Variants in PDE1A observed in about 807,000 individuals in gnomAD.
The protein encoded by PDE1A is dual specificity calcium/calmodulin-dependent 3',5'-cyclic nucleotide phosphodiesterase 1A.
Under a neutral mutation model 61.7 loss-of-function variants are expected in PDE1A, and 35 were observed. The observed-to-expected ratio is 0.57, with a 90% CI of 0.43 to 0.75. The LOEUF is 0.75. PDE1A is among the 30% of genes least tolerant of loss of function. The probability of loss-of-function intolerance (pLI) is 0.00; values close to 1 mark genes in which losing one functional copy is unlikely to be tolerated. For missense variants in PDE1A, 597 were observed against 630.6 expected (o/e 0.95, Z 0.57); for synonymous variants, 232 against 213.2 (o/e 1.09, Z -0.77).
chr2:182,447,627 A>G (rs553196042), intron 2 of PDE1A, among the ~76,000 whole-genome samples: 45 of 152,072 alleles, frequency 3.0e-4, no homozygotes, highest in Non-Finnish European at 4.6e-4. Flanking sequence ...CTCAAAGGCT[A>G]TATTTTCAAC....
At chr2:182,358,525 T>C (rs184996029) in intron 1 of PDE1A, among the ~76,000 whole-genome samples, 5 of 152,294 alleles carry the variant, frequency 3.3e-5, no homozygotes, top group East Asian at 1.9e-4. Context: ...TTTTTCTCCA[T>C]TGGTATCATC....
chr2:182,397,942 T>C (rs1277851942), intron 1 of PDE1A, among the ~76,000 whole-genome samples: 5 of 152,088 alleles, frequency 3.3e-5, no homozygotes, highest in Admixed American at 2.6e-4. Flanking sequence ...CTAAGACTAT[T>C]CTATTCTATG....
chr2:182,600,715 T>A, the PDE1A span, among the ~76,000 whole-genome samples: 1 of 152,222 alleles, frequency 6.6e-6, no homozygotes, highest in Non-Finnish European at 1.5e-5. Flanking sequence ...AAAGAAAAGA[T>A]GACCACTTTG....
intron 2 of PDE1A, among the ~76,000 whole-genome samples, chr2:182,516,750 A>AAGGAAG (rs1690198500): frequency 7.0e-6 from 1 of 143,456 alleles, no homozygotes; most frequent in African/African-American, 2.6e-5. Flanking sequence ...GGAAAAAGAG[A>AAGGAAG]GAAAGAAAGA....
chr2:182,270,173 A>G (rs995200810), intron 1 of PDE1A, among the ~76,000 whole-genome samples: 1 of 152,164 alleles, frequency 6.6e-6, no homozygotes, highest in African/African-American at 2.4e-5. Flanking sequence ...ATAAAAGAAG[A>G]CAGAAACAAA....
At chr2:182,307,839 G>C (rs563858080) in intron 1 of PDE1A, among the ~76,000 whole-genome samples, 1 of 152,168 alleles carries the variant, frequency 6.6e-6, no homozygotes, top group South Asian at 2.1e-4. Context: ...ATGAACAACA[G>C]ATACAGACTG....
chr2:182,336,772 T>C (rs1391003161), intron 1 of PDE1A, among the ~76,000 whole-genome samples: 1 of 80,490 alleles, frequency 1.2e-5, no homozygotes, highest in Non-Finnish European at 3.4e-5. Context: ...TATATATATA[T>C]ATATAAGTCC....
chr2:182,563,018 A>G, the PDE1A span, among the ~76,000 whole-genome samples: 2 of 152,118 alleles, frequency 1.3e-5, no homozygotes, highest in Non-Finnish European at 2.9e-5. Context: ...TCCTGGATTC[A>G]TTAATTTTTT....
chr2:182,547,988 T>A, the PDE1A span, among the ~76,000 whole-genome samples: 504 of 152,192 alleles, frequency 3.3e-3, 1 homozygote, highest in African/African-American at 0.012. Context: ...ATATGGGAAT[T>A]GCTTACCCTA....
the PDE1A span, among the ~76,000 whole-genome samples, chr2:182,582,092 C>T: frequency 6.6e-6 from 1 of 152,138 alleles, no homozygotes; most frequent in East Asian, 1.9e-4. Flanking sequence ...ACCTGACAGC[C>T]CCCTCCACCC....
At chr2:182,677,674 C>A in the PDE1A span, among the ~76,000 whole-genome samples, 1 of 152,166 alleles carries the variant, frequency 6.6e-6, no homozygotes, top group Non-Finnish European at 1.5e-5. Flanking sequence ...AACACAGACA[C>A]ATAGACCAAT....
At chr2:182,615,585 C>T in the PDE1A span, among the ~76,000 whole-genome samples, 1 of 152,154 alleles carries the variant, frequency 6.6e-6, no homozygotes, top group African/African-American at 2.4e-5. Flanking sequence ...TAACACATTG[C>T]TATTGTCTAT....
chr2:182,437,516 T>C (rs966836903), intron 2 of PDE1A, among the ~76,000 whole-genome samples: 30 of 152,070 alleles, frequency 2.0e-4, no homozygotes, highest in Middle Eastern at 6.8e-3. Flanking sequence ...AAAAGAGCTG[T>C]TGCCATTACA....
chr2:182,418,742 T>G (rs921068363), intron 1 of PDE1A, among the ~76,000 whole-genome samples: 1 of 152,148 alleles, frequency 6.6e-6, no homozygotes, highest in African/African-American at 2.4e-5. Flanking sequence ...TTTTTTATTG[T>G]TTTTTAAATG....
intron 1 of PDE1A, among the ~76,000 whole-genome samples, chr2:182,272,266 C>G (rs1208969528): frequency 6.6e-6 from 1 of 152,180 alleles, no homozygotes; most frequent in East Asian, 1.9e-4. Context: ...GGGCATGTAC[C>G]TGTGCAGTCA....
intron 1 of PDE1A, among the ~76,000 whole-genome samples, chr2:182,305,672 A>G (rs1695533352): frequency 6.6e-6 from 1 of 151,922 alleles, no homozygotes; most frequent in South Asian, 2.1e-4. Context: ...TTCAAAATTT[A>G]TTCTCTAATG....
chr2:182,571,883 TC>T, the PDE1A span, among the ~76,000 whole-genome samples: 1 of 151,988 alleles, frequency 6.6e-6, no homozygotes, highest in Non-Finnish European at 1.5e-5. Context: ...CCAGAAAAGG[TC>T]CTTTTAAAAA....
intron 7 of PDE1A, among the ~76,000 whole-genome samples, chr2:182,209,845 C>A (rs1308963358): frequency 6.6e-6 from 1 of 152,088 alleles, no homozygotes; most frequent in Non-Finnish European, 1.5e-5. Flanking sequence ...GTCAATTGAA[C>A]CTCTTTTCTT....
intron 1 of PDE1A, among the ~76,000 whole-genome samples, chr2:182,405,006 T>C (rs1702223152): frequency 6.6e-6 from 1 of 152,268 alleles, no homozygotes; most frequent in African/African-American, 2.4e-5. Context: ...GCTCTACTTT[T>C]ATACAACTGG....
Sources: allele counts gnomAD v4.1 joint callset (sites outside exome capture counted in the v4.1 genomes callset), GRCh38; gene constraint gnomAD v4.1.1; transcripts MANE v1.5; gene names NCBI Gene and HGNC (gene_info 2026-07-23, HGNC 2026-07-21).